Variants in ATP2C1 observed in about 807,000 individuals in gnomAD.
ATP2C1 encodes calcium-transporting ATPase type 2C member 1.
A neutral mutation model predicts 120.5 loss-of-function variants in ATP2C1; 31 were observed. The ratio of observed to expected loss-of-function variants is 0.26; its 90% CI spans 0.19 to 0.35. The LOEUF (loss-of-function observed/expected upper bound fraction) is 0.35. Ranked by LOEUF, ATP2C1 falls within the 10% of genes least tolerant of loss-of-function variation. ATP2C1 has a pLI of 1.00. For synonymous variants in ATP2C1, 351 were observed against 358.7 expected (o/e 0.98, Z 0.24); for missense variants, 731 against 1,107.5 (o/e 0.66, Z 4.83).
At chr3:131,004,858 G>C (rs891185809), downstream of ATP2C1, among the ~76,000 whole-genome samples, 2 of 152,228 alleles carry the variant, frequency 1.3e-5, no homozygotes, top group Non-Finnish European at 2.9e-5. Flanking sequence ...AGTGTGAAGG[G>C]TTGGAGAGAT....
chr3:130,881,336 T>A (rs565079616), intron 1 of ATP2C1, among the ~76,000 whole-genome samples: 77 of 149,210 alleles, frequency 5.2e-4, no homozygotes, highest in African/African-American at 1.9e-3. Context: ...TTTCTTTTTC[T>A]TCTTCTTCTT....
intron 2 of ATP2C1, among the ~76,000 whole-genome samples, chr3:130,908,812 G>T (rs2058259813): frequency 6.6e-6 from 1 of 152,072 alleles, no homozygotes; most frequent in African/African-American, 2.4e-5. Flanking sequence ...GTATCCAGAG[G>T]TAAATGCATT....
At chr3:130,972,060 G>A (rs1017415985) in intron 17 of ATP2C1, among the ~76,000 whole-genome samples, 3 of 152,156 alleles carry the variant, frequency 2.0e-5, no homozygotes, top group Non-Finnish European at 4.4e-5. Context: ...ACAGGCAGGG[G>A]ATGGTTTTGC....
In ATP2C1 at chr3:130,941,283, CGCGCGCAT is replaced by C. The variant is rs576945388; in HGVS notation, c.423-305_423-298del. ...GTGTGTGTCTGTGTGTGTGCGCGCACGCGCGCATGCATGCGCGTGTCCATGCGCAAGTG... is the reference window on the plus strand; with the variant it reads ...GTGTGTGTCTGTGTGTGTGCGCGCACGCATGCGCGTGTCCATGCGCAAGTG... On this transcript the variant is annotated intron_variant, in intron 7 of 27. Transcript: ENST00000510168. Among the ~76,000 whole-genome samples, 702 of 146,598 alleles carry C rather than the reference CGCGCGCAT, an allele frequency of 4.8e-3. 5 individuals are homozygous for C. The highest frequency in any genetic ancestry group is 0.017 in the African/African-American group (640 of 37,746).
intron 4 of ATP2C1, among the ~76,000 whole-genome samples, chr3:130,933,185 A>C (rs2059522974): frequency 6.6e-6 from 1 of 152,184 alleles, no homozygotes; most frequent in Admixed American, 6.5e-5. Context: ...TCCTGTGAGA[A>C]TTAAATAGTG....
intron 2 of ATP2C1, among the ~76,000 whole-genome samples, chr3:130,897,350 CAAGTTACTAGGCTTCT>C (rs1383119597): frequency 6.6e-6 from 1 of 152,318 alleles, no homozygotes; most frequent in South Asian, 2.1e-4. Context: ...AAAAATCTGA[CAAGTTACTAGGCTTCT>C]AAGCTTTCTC....
At chr3:130,985,841 T>G (rs2061984701) in intron 20 of ATP2C1, among the ~76,000 whole-genome samples, 2 of 152,128 alleles carry the variant, frequency 1.3e-5, no homozygotes, top group African/African-American at 2.4e-5. Context: ...TTGCTTTTTT[T>G]TCTTTAAGAA....
At chr3:130,999,470 A>G in intron 26 of ATP2C1, 48 bp from the exon 27 acceptor site, 2 of 1,604,236 alleles carry the variant, frequency 1.2e-6, no homozygotes, top group Non-Finnish European at 1.7e-6. Context: ...TAAAGAAGTT[A>G]TTTCTGTGAC....
intron 2 of ATP2C1, among the ~76,000 whole-genome samples, chr3:130,914,814 C>T (rs772148894): frequency 2.0e-5 from 3 of 152,172 alleles, no homozygotes; most frequent in Non-Finnish European, 2.9e-5. Context: ...CTCCCTACCC[C>T]ATAACATACC....
At chr3:130,972,763 T>C (rs1256160434) in intron 17 of ATP2C1, among the ~76,000 whole-genome samples, 1 of 151,772 alleles carries the variant, frequency 6.6e-6, no homozygotes, top group Non-Finnish European at 1.5e-5. Flanking sequence ...TGATTTCCAG[T>C]TTCATCCATG....
chr3:130,976,752 C>T (rs1392337373), intron 18 of ATP2C1, among the ~76,000 whole-genome samples: 2 of 152,144 alleles, frequency 1.3e-5, no homozygotes, highest in Non-Finnish European at 2.9e-5. Flanking sequence ...TTCTTTCTCC[C>T]AGCGTCATTT....
intron 20 of ATP2C1, among the ~76,000 whole-genome samples, chr3:130,983,439 C>T (rs2061861119): frequency 6.6e-6 from 1 of 152,208 alleles, no homozygotes; most frequent in Non-Finnish European, 1.5e-5. Flanking sequence ...GACTGCATTA[C>T]TGTAGTATAT....
intron 2 of ATP2C1, among the ~76,000 whole-genome samples, chr3:130,905,635 A>G (rs1227460233): frequency 6.6e-6 from 1 of 152,092 alleles, no homozygotes; most frequent in Non-Finnish European, 1.5e-5. Flanking sequence ...GTCACTTGTA[A>G]TAAAATTAGG....
At chr3:130,861,607 C>T (rs1287755394) in intron 1 of ATP2C1, among the ~76,000 whole-genome samples, 1 of 152,122 alleles carries the variant, frequency 6.6e-6, no homozygotes, top group African/African-American at 2.4e-5. Context: ...TAATCTCTTC[C>T]CCCAAACACC....
chr3:131,014,312 G>T, intron 26 of ATP2C1: 1 of 1,613,884 alleles, frequency 6.2e-7, no homozygotes, highest in Non-Finnish European at 8.5e-7. Context: ...CAGGACATAT[G>T]CTCAGGAGAC....
In ATP2C1 at chr3:130,994,013, G is replaced by T; in HGVS notation, c.1972G>T (p.Gly658Ter). Residue 658 changes from glycine (G) to a stop codon, truncating the protein, a stop_gained, in exon 22 of 28, where the codon GGA becomes TGA. Transcript: ENST00000510168. LOFTEE classifies it high-confidence loss of function. Reference protein sequence around the residue: ...DAVALKAADIGVAMGQTGTDV... With the variant: ...DAVALKAADI ...AGTTGCTCTGAAGGCTGCAGACATT[G>T]GAGTTGCGATGGGCCAGACTGGTAC... 1 of 1,614,152 alleles carries T rather than the reference G, an allele frequency of 6.2e-7. No individual in the cohort carries two copies. Among genetic ancestry groups the T allele is most frequent in the Non-Finnish European group, 8.5e-7 (1 of 1,180,018 alleles).
At chr3:130,985,999 T>A (rs1017161268) in intron 20 of ATP2C1, among the ~76,000 whole-genome samples, 1 of 152,120 alleles carries the variant, frequency 6.6e-6, no homozygotes, top group African/African-American at 2.4e-5. Flanking sequence ...ACTTTAGGGA[T>A]TTTGATCTTT....
intron 18 of ATP2C1, among the ~76,000 whole-genome samples, chr3:130,978,319 A>C (rs559535668): frequency 2.0e-5 from 3 of 151,982 alleles, no homozygotes; most frequent in Non-Finnish European, 4.4e-5. Context: ...CTTCTGCTTG[A>C]CGAAGAATGG....
chr3:130,907,236 C>A (rs1038753502), intron 2 of ATP2C1, among the ~76,000 whole-genome samples: 3 of 151,984 alleles, frequency 2.0e-5, no homozygotes, highest in African/African-American at 7.2e-5. Context: ...AATATTTCTC[C>A]CATTCTGTGG....
Sources: allele counts gnomAD v4.1 joint callset (sites outside exome capture counted in the v4.1 genomes callset), GRCh38; gene constraint gnomAD v4.1.1; transcripts MANE v1.5; gene names NCBI Gene and HGNC (gene_info 2026-07-23, HGNC 2026-07-21).